NBPF8: variants seen among roughly 807,000 people sequenced by gnomAD.
NBPF8 encodes the protein NBPF member 8.
exon 21 of NBPF8, chr1:120,462,825 C>T: frequency 3.1e-6 from 1 of 323,508 alleles, no homozygotes; most frequent in Non-Finnish European, 5.3e-6. Context: ...TGAGAAAGAG[C>T]CTGAAGTCTT....
chr1:120,415,286 C>T (rs1464455539), upstream of NBPF8, among the ~76,000 whole-genome samples: 18 of 152,020 alleles, frequency 1.2e-4, no homozygotes, highest in Non-Finnish European at 2.5e-4. Flanking sequence ...GTGAAGGCGC[C>T]GCGCCAGGCC....
In NBPF8 at chr1:120,451,988, T is replaced by C. The variant is rs1661287997; in HGVS notation, n.2075-129T>C. On this transcript the variant is annotated intron_variant and non_coding_transcript_variant, in intron 12 of 24. Coordinates refer to ENST00000583271, the Ensembl canonical transcript of NBPF8. ...TCTTTCTCTTGGCCACAGACATTCC[T>C]TTCAACATGTGCTGACCTTCTGTTT... The C allele has an allele frequency of 6.8e-5, 72 of 1,061,060 alleles. No homozygotes were observed. The South Asian group carries it at 8.8e-4, about 13-fold the overall frequency. 65.7% of individuals were successfully genotyped at this position (1,061,060 alleles called of 1,614,324 possible). A position where few individuals can be genotyped will look rare whatever the true frequency, so the allele number is the denominator to read the frequency against.
chr1:120,420,437 A>C (rs1660541945), intron 1 of NBPF8, among the ~76,000 whole-genome samples: 18 of 127,798 alleles, frequency 1.4e-4, no homozygotes, highest in South Asian at 2.7e-4. Flanking sequence ...CTCTGCCCCC[A>C]TTTCCGTCTC....
chr1:120,462,516 T>A lies in NBPF8; in HGVS notation n.3062-278T>A, dbSNP rs1329628226. On this transcript the variant is annotated intron_variant and non_coding_transcript_variant, in intron 20 of 24. Coordinates refer to ENST00000583271, the Ensembl canonical transcript of NBPF8. ...CGCTGTGTGTCCCGAGGGCACTAAC[T>A]CAGAGTGTCCTTTGACCCCTTCATC... Among the ~76,000 whole-genome samples the A allele has an allele frequency of 6.1e-4, 71 of 116,224 alleles. No homozygotes were observed. The Admixed American group carries it at 6.4e-3, about 10-fold the overall frequency. 76.2% of individuals were successfully genotyped at this position (116,224 alleles called of 152,430 possible).
rs1553249233 is a variant in NBPF8, at chr1:120,453,542, G to A, written n.2362+98G>A. On this transcript the variant is annotated intron_variant and non_coding_transcript_variant, in intron 14 of 24. Coordinates refer to ENST00000583271, the Ensembl canonical transcript of NBPF8. Reference sequence around the variant, plus strand: ...GGCATCTATGATGGGTCAAAAACCCGCATTTGCTTAGCCACAGTATGTGAA... The same window carrying A: ...GGCATCTATGATGGGTCAAAAACCCACATTTGCTTAGCCACAGTATGTGAA... 51 of 1,067,688 alleles carry A rather than the reference G, an allele frequency of 4.8e-5. 1 individual carries two copies. The highest frequency in any genetic ancestry group is 8.8e-5 in the Admixed American group (5 of 57,086). The allele number at this position is 1,067,688 out of a possible 1,614,324, so 66.1% of individuals were successfully genotyped here.
At chr1:120,416,768 T>G (rs1200876227), upstream of NBPF8, among the ~76,000 whole-genome samples, 30 of 152,062 alleles carry the variant, frequency 2.0e-4, no homozygotes, top group African/African-American at 7.0e-4. Context: ...TACATATTGT[T>G]GAACGTTTTC....
intron 11 of NBPF8, among the ~76,000 whole-genome samples, chr1:120,450,804 C>T (rs1384672320): frequency 3.9e-5 from 6 of 152,196 alleles, no homozygotes; most frequent in East Asian, 1.9e-4. Context: ...GGGGCCTTCC[C>T]GACTGTACAA....
intron 17 of NBPF8, among the ~76,000 whole-genome samples, chr1:120,459,979 G>C: frequency 6.6e-6 from 1 of 152,006 alleles, no homozygotes; most frequent in Non-Finnish European, 1.5e-5. Context: ...AGTGAAAGAT[G>C]TGACCCAGGT....
upstream of NBPF8, among the ~76,000 whole-genome samples, chr1:120,431,419 C>CAT (rs1470242597): frequency 0.44 from 52,428 of 118,754 alleles, 12,833 homozygotes; most frequent in African/African-American, 0.56. Flanking sequence ...CACACACACA[C>CAT]ATATATATAT....
chr1:120,419,662 A>G (rs1371273663), upstream of NBPF8, among the ~76,000 whole-genome samples: 2 of 145,606 alleles, frequency 1.4e-5, no homozygotes, highest in African/African-American at 2.5e-5. Flanking sequence ...GGGTCTTACT[A>G]TGTTGCCGAG....
intron 13 of NBPF8, among the ~76,000 whole-genome samples, 190 bp downstream of exon 11, chr1:120,452,521 G>T (rs1290798796): frequency 4.6e-5 from 7 of 151,982 alleles, no homozygotes; most frequent in Admixed American, 1.3e-4. Context: ...TCACAGTATT[G>T]CAAGTGTCCC....
At position 120,465,244 on chromosome 1, in the gene NBPF8, A is replaced by G. The variant is rs1256110321; in HGVS notation, n.3460-19A>G. 8.3e-5 allele frequency: 45 copies of G among 543,358 alleles called. No individual in the cohort carries two copies. Among genetic ancestry groups the G allele is most frequent in the Middle Eastern group, 9.8e-4 (2 of 2,036 alleles). The allele number at this position is 543,358 out of a possible 1,614,324, so 33.7% of individuals were successfully genotyped here. A position where few individuals can be genotyped will look rare whatever the true frequency, so the allele number is the denominator to read the frequency against. ...GGGAATCAGCTTAATGTGTCTGTCC[A>G]TGTCTGAATTTATTGCAGAAATTGA... On this transcript the variant is annotated intron_variant and non_coding_transcript_variant, in intron 23 of 24. Transcript: ENST00000583271.
intron 3 of NBPF8, among the ~76,000 whole-genome samples, chr1:120,430,865 G>A (rs1451040675): frequency 1.3e-5 from 2 of 151,384 alleles, no homozygotes; most frequent in Non-Finnish European, 2.9e-5. Flanking sequence ...TTAGTGGGGA[G>A]ATAAACCTTG....
chr1:120,436,608 C>T (rs2101620498), exon 1 of NBPF8: 2 of 1,605,864 alleles, frequency 1.2e-6, no homozygotes, highest in Admixed American at 1.7e-5. Context: ...CCCCAGTTGG[C>T]AGAGAACAAA....
chr1:120,461,014 A>C (rs1553250233), intron 18 of NBPF8, among the ~76,000 whole-genome samples: 3 of 86,454 alleles, frequency 3.5e-5, no homozygotes, highest in East Asian at 2.9e-4. Context: ...ACTGAGCTCG[A>C]ACTGTGTGTG....
chr1:120,452,736 C>T (rs1427988408), intron 13 of NBPF8, among the ~76,000 whole-genome samples: 2 of 152,234 alleles, frequency 1.3e-5, no homozygotes, highest in African/African-American at 4.8e-5. Flanking sequence ...GTTTCTCTCT[C>T]TCCGTGGCAG....
At chr1:120,431,260 T>C (rs1660865390) in intron 3 of NBPF8, among the ~76,000 whole-genome samples, 1 of 142,528 alleles carries the variant, frequency 7.0e-6, no homozygotes, top group Admixed American at 7.0e-5. Flanking sequence ...AACGTGTGTG[T>C]GTGTGTGTGT....
At chr1:120,451,436 A>G (rs1390030941) in intron 12 of NBPF8, among the ~76,000 whole-genome samples, 154 bp downstream of exon 10, 393 of 109,360 alleles carry the variant, frequency 3.6e-3, no homozygotes, top group Non-Finnish European at 5.1e-3. Context: ...TCAAACAGAG[A>G]AGGAGGATAG....
upstream of NBPF8, chr1:120,433,434 T>TA (rs1276250447): frequency 3.3e-5 from 5 of 152,584 alleles, no homozygotes; most frequent in African/African-American, 1.2e-4. Flanking sequence ...TTTTTATTCA[T>TA]AAAAAATCCA....
Sources: gnomAD v4.1 joint callset for allele counts (sites outside exome capture counted in the v4.1 genomes callset) on GRCh38, gnomAD v4.1.1 for gene constraint, MANE v1.5 for transcripts, NCBI Gene and HGNC (gene_info 2026-07-23, HGNC 2026-07-21) for gene names.